The following RCL1 variants were observed in gnomAD, a reference collection of about 807,000 sequenced individuals.
RCL1 encodes RNA terminal phosphate cyclase like 1.
RCL1 carries 24 observed loss-of-function variants against 42.4 expected under a neutral mutation model. That is an observed-to-expected ratio of 0.57 (90% CI 0.41 to 0.80). The LOEUF (loss-of-function observed/expected upper bound fraction) is 0.80, where lower values mean the gene tolerates loss of function less well. RCL1 is among the 30% of genes least tolerant of loss of function. The probability of loss-of-function intolerance (pLI) is 0.00; values close to 1 mark genes in which losing one functional copy is unlikely to be tolerated. For synonymous variants in RCL1, 228 were observed against 177.3 expected, an observed-to-expected ratio of 1.29 and a Z score of -2.27; for missense variants, 578 against 467.9, an observed-to-expected ratio of 1.24 and a Z score of -2.17.
intron 1 of RCL1, among the ~76,000 whole-genome samples, chr9:4,812,332 G>A (rs1283366865): frequency 8.8e-6 from 1 of 113,594 alleles, no homozygotes; most frequent in Non-Finnish European, 2.0e-5. Context: ...TTACATTTAA[G>A]TCTTTAAGTT....
intron 5 of RCL1, among the ~76,000 whole-genome samples, chr9:4,835,257 A>T (rs1219430768): frequency 6.6e-6 from 1 of 152,238 alleles, no homozygotes; most frequent in African/African-American, 2.4e-5. Flanking sequence ...AGGCCACCAA[A>T]ACTTGAAAGC....
At chr9:4,796,959 AAC>A (rs1387615979) in intron 1 of RCL1, among the ~76,000 whole-genome samples, 1 of 152,190 alleles carries the variant, frequency 6.6e-6, no homozygotes, top group Non-Finnish European at 1.5e-5. Context: ...ATATGAAAGA[AAC>A]AGTTTTTAAG....
intron 1 of RCL1, among the ~76,000 whole-genome samples, chr9:4,816,136 T>C (rs1309485568): frequency 6.6e-6 from 1 of 152,212 alleles, no homozygotes; most frequent in African/African-American, 2.4e-5. Flanking sequence ...CTTTGATGTA[T>C]TGGTCAGTTG....
intron 3 of RCL1, among the ~76,000 whole-genome samples, chr9:4,832,668 C>T (rs1008002389): frequency 6.6e-5 from 10 of 151,758 alleles, no homozygotes; most frequent in South Asian, 2.1e-4. Flanking sequence ...ATTAGCTGGG[C>T]GTGGTGGCAC....
intron 2 of RCL1, among the ~76,000 whole-genome samples, chr9:4,824,168 A>G (rs1816683445): frequency 6.6e-6 from 1 of 152,200 alleles, no homozygotes; most frequent in Non-Finnish European, 1.5e-5. Context: ...GAGGTAGTTT[A>G]TGGGCTGAAT....
At chr9:4,821,777 T>C (rs892068506) in intron 1 of RCL1, among the ~76,000 whole-genome samples, 1 of 152,200 alleles carries the variant, frequency 6.6e-6, no homozygotes, top group Admixed American at 6.5e-5. Flanking sequence ...ATGGCACCCC[T>C]GGCTGGACTC....
intron 1 of RCL1, among the ~76,000 whole-genome samples, chr9:4,820,574 T>G (rs544007413): frequency 1.9e-4 from 29 of 152,218 alleles, no homozygotes; most frequent in Middle Eastern, 3.2e-3. Flanking sequence ...AGTAAAGTCA[T>G]GGTTTCTTCC....
At chr9:4,801,963 C>T (rs1024505599) in intron 1 of RCL1, among the ~76,000 whole-genome samples, 34 of 151,474 alleles carry the variant, frequency 2.2e-4, no homozygotes, top group African/African-American at 7.3e-4. Context: ...CGCTGGAGTG[C>T]GGTGGTGCAA....
intron 3 of RCL1, among the ~76,000 whole-genome samples, chr9:4,831,452 G>A (rs981366025): frequency 6.6e-6 from 1 of 152,124 alleles, no homozygotes; most frequent in Non-Finnish European, 1.5e-5. Context: ...AACGCCAAAT[G>A]CATATATTAA....
chr9:4,819,761 C>T (rs1256121632), intron 1 of RCL1, among the ~76,000 whole-genome samples: 2 of 152,146 alleles, frequency 1.3e-5, no homozygotes, highest in Admixed American at 6.5e-5. Flanking sequence ...GAGCCAAGAT[C>T]GCGCCACTGC....
At chr9:4,834,111 C>G (rs1157744300) in intron 4 of RCL1, 30 bp from the exon 5 acceptor site, 4 of 1,604,968 alleles carry the variant, frequency 2.5e-6, no homozygotes, top group East Asian at 4.5e-5. Flanking sequence ...TTGCTGCATC[C>G]TCGCCTCATC....
chr9:4,825,322 C>G (rs10974803), intron 2 of RCL1, among the ~76,000 whole-genome samples: 5 of 152,270 alleles, frequency 3.3e-5, no homozygotes, highest in African/African-American at 1.2e-4. Flanking sequence ...TGGCCAGTTT[C>G]TCATTTGGCT....
chr9:4,801,871 C>A (rs1353182086), intron 1 of RCL1, among the ~76,000 whole-genome samples: 1 of 147,616 alleles, frequency 6.8e-6, no homozygotes, highest in African/African-American at 2.5e-5. Context: ...CCATTCTGTT[C>A]CATTGATTTA....
intron 1 of RCL1, 70 bp from the exon 2 acceptor site, chr9:4,823,478 T>C (rs1314083219): frequency 8.3e-7 from 1 of 1,208,432 alleles, no homozygotes; most frequent in Non-Finnish European, 1.2e-6. Flanking sequence ...AGGCATGTGC[T>C]CTGGAAATGT....
chr9:4,837,617 C>T (rs1044438567), intron 5 of RCL1, among the ~76,000 whole-genome samples: 4 of 152,148 alleles, frequency 2.6e-5, no homozygotes, highest in African/African-American at 9.7e-5. Flanking sequence ...TGGGGTCCCC[C>T]TTGTTCTCTC....
Position 4,792,987 on chromosome 9 carries a change from G to GCCGCCGTCGGTGTCGCCGCCACCA in RCL1, c.-102_-79dup. On this transcript the variant is annotated 5_prime_UTR_variant, in exon 1 of 9. Transcript: ENST00000381750. ...TGGGCTGCTGGAGGCAGCCCGAGCC[G>GCCGCCGTCGGTGTCGCCGCCACCA]CCGCCGTCGGTGTCGCCGCCACCAC... 7.3e-7 allele frequency: 1 copy of GCCGCCGTCGGTGTCGCCGCCACCA among 1,366,088 alleles called. No homozygotes were observed. Among genetic ancestry groups the GCCGCCGTCGGTGTCGCCGCCACCA allele is most frequent in the Non-Finnish European group, 9.8e-7 (1 of 1,018,854 alleles). 84.6% of individuals were successfully genotyped at this position (1,366,088 alleles called of 1,614,324 possible).
chr9:4,799,711 A>C (rs1035119587), intron 1 of RCL1, among the ~76,000 whole-genome samples: 1 of 152,084 alleles, frequency 6.6e-6, no homozygotes, highest in African/African-American at 2.4e-5. Flanking sequence ...AAATTAAAAA[A>C]ATTTTTAAAA....
intron 1 of RCL1, among the ~76,000 whole-genome samples, chr9:4,816,926 C>G (rs981982788): frequency 6.6e-6 from 1 of 152,188 alleles, no homozygotes; most frequent in Non-Finnish European, 1.5e-5. Flanking sequence ...ACGCCATTCT[C>G]CTGCCTCAGC....
intron 8 of RCL1, among the ~76,000 whole-genome samples, chr9:4,855,143 A>C (rs1817903567): frequency 6.6e-6 from 1 of 151,558 alleles, no homozygotes. Context: ...AGGCTTTCGT[A>C]GAAAAGTCAG....
Sources: gnomAD v4.1 joint callset for allele counts (sites outside exome capture counted in the v4.1 genomes callset) on GRCh38, gnomAD v4.1.1 for gene constraint, MANE v1.5 for transcripts, NCBI Gene and HGNC (gene_info 2026-07-23, HGNC 2026-07-21) for gene names.